Variants in KCNJ10 observed in about 807,000 individuals in gnomAD.
KCNJ10 encodes the protein potassium inwardly rectifying channel subfamily J member 10, also known as ATP-sensitive inward rectifier potassium channel 10.
In KCNJ10, 9 loss-of-function variants were observed where a neutral mutation model predicts 22.2. That is an observed-to-expected ratio of 0.40 (90% CI 0.24 to 0.71). The LOEUF is 0.71. Among genes scored for constraint, KCNJ10 ranks in the 30% least tolerant of loss-of-function variants. The pLI is 0.35. For missense variants in KCNJ10, 337 were observed against 482.7 expected (o/e 0.70, Z 2.83); for synonymous variants, 184 against 187.3 (o/e 0.98, Z 0.15).
chr1:160,062,542 C>T (rs1649228685), intron 1 of KCNJ10: 2 of 152,210 alleles, frequency 1.3e-5, no homozygotes, highest in Non-Finnish European at 2.9e-5. Flanking sequence ...GGGCACTGCC[C>T]AGGAGACAGG....
At chr1:160,043,973 T>A (rs1271321304) in intron 1 of KCNJ10, among the ~76,000 whole-genome samples, 1 of 152,190 alleles carries the variant, frequency 6.6e-6, no homozygotes, top group Non-Finnish European at 1.5e-5. Context: ...CTCATTACAT[T>A]CTCCATTCGA....
chr1:160,062,957 G>A (rs955830071), intron 1 of KCNJ10, among the ~76,000 whole-genome samples: 30 of 152,086 alleles, frequency 2.0e-4, no homozygotes, highest in African/African-American at 6.5e-4. Flanking sequence ...GACAAGAGTC[G>A]CCTGCCACCT....
chr1:160,049,586 C>T (rs961114349), intron 1 of KCNJ10, among the ~76,000 whole-genome samples: 6 of 149,204 alleles, frequency 4.0e-5, no homozygotes, highest in African/African-American at 1.5e-4. Context: ...CAACTATACC[C>T]GTAATGGCAC....
chr1:160,069,621 G>C (rs902548208), intron 1 of KCNJ10, among the ~76,000 whole-genome samples: 1 of 152,106 alleles, frequency 6.6e-6, no homozygotes, highest in Non-Finnish European at 1.5e-5. Context: ...GGGAGTGGGG[G>C]AGGGGCTGGG....
intron 1 of KCNJ10, among the ~76,000 whole-genome samples, chr1:160,055,653 C>T (rs1649012268): frequency 6.6e-6 from 1 of 152,124 alleles, no homozygotes; most frequent in Admixed American, 6.5e-5. Context: ...TGTGTGAGAA[C>T]ACTGCATGGG....
chr1:160,054,881 C>T (rs1001418409), intron 1 of KCNJ10, among the ~76,000 whole-genome samples: 8 of 151,848 alleles, frequency 5.3e-5, no homozygotes, highest in African/African-American at 1.7e-4. Flanking sequence ...GACCAGGTTG[C>T]AGATGGGGAG....
intron 1 of KCNJ10, among the ~76,000 whole-genome samples, chr1:160,061,301 A>G (rs893580696): frequency 6.6e-6 from 1 of 152,132 alleles, no homozygotes. Flanking sequence ...TACCTCTCAG[A>G]GCCTTGCTGG....
intron 1 of KCNJ10, among the ~76,000 whole-genome samples, chr1:160,053,458 G>A (rs1166100732): frequency 6.6e-6 from 1 of 152,180 alleles, no homozygotes; most frequent in Non-Finnish European, 1.5e-5. Context: ...AAGCCCTCAA[G>A]GTTGGAAGAA....
At chr1:160,051,245 A>T (rs1253240364) in intron 1 of KCNJ10, among the ~76,000 whole-genome samples, 1 of 152,104 alleles carries the variant, frequency 6.6e-6, no homozygotes, top group East Asian at 1.9e-4. Flanking sequence ...ATTCTTTCTT[A>T]GAGCCACTAG....
At chr1:160,063,606 TC>T (rs1301470199) in intron 1 of KCNJ10, 1 of 152,254 alleles carries the variant, frequency 6.6e-6, no homozygotes, top group Non-Finnish European at 1.5e-5. Context: ...TCTGCTTCTT[TC>T]CCCGTCTTAG....
chr1:160,053,291 A>G (rs1207336195), intron 1 of KCNJ10, among the ~76,000 whole-genome samples: 1 of 152,202 alleles, frequency 6.6e-6, no homozygotes, highest in Non-Finnish European at 1.5e-5. Context: ...CAACTTGAAT[A>G]GCGACCTTAG....
chr1:160,058,988 T>C (rs1452511366), intron 1 of KCNJ10, among the ~76,000 whole-genome samples: 1 of 152,214 alleles, frequency 6.6e-6, no homozygotes, highest in Non-Finnish European at 1.5e-5. Context: ...CCCCCTGTGT[T>C]CCCACAGTAC....
At chr1:160,060,261 C>A (rs1649152344) in intron 1 of KCNJ10, among the ~76,000 whole-genome samples, 1 of 152,112 alleles carries the variant, frequency 6.6e-6, no homozygotes, top group African/African-American at 2.4e-5. Context: ...GTGAGTGTCT[C>A]ACTGTCCTCT....
chr1:160,059,866 C>T (rs1649145818), intron 1 of KCNJ10, among the ~76,000 whole-genome samples: 1 of 152,172 alleles, frequency 6.6e-6, no homozygotes, highest in Non-Finnish European at 1.5e-5. Flanking sequence ...CTTTCTGTCC[C>T]TCCCCTTATG....
intron 1 of KCNJ10, among the ~76,000 whole-genome samples, chr1:160,058,270 T>C (rs1466646474): frequency 2.0e-5 from 3 of 152,192 alleles, no homozygotes; most frequent in African/African-American, 7.2e-5. Flanking sequence ...TTGGGGGCAC[T>C]GAGTCAGTTT....
chr1:160,056,754 A>G (rs1192461815), intron 1 of KCNJ10, among the ~76,000 whole-genome samples: 1 of 152,220 alleles, frequency 6.6e-6, no homozygotes, highest in Non-Finnish European at 1.5e-5. Flanking sequence ...AGAGGGAGGA[A>G]TTAGAATCTC....
intron 1 of KCNJ10, chr1:160,062,614 A>G (rs1263177418): frequency 6.6e-6 from 1 of 152,232 alleles, no homozygotes; most frequent in Non-Finnish European, 1.5e-5. Flanking sequence ...TCCAAATGGA[A>G]AAAGCCACGG....
intron 1 of KCNJ10, among the ~76,000 whole-genome samples, chr1:160,061,512 T>C (rs1649191641): frequency 6.6e-6 from 1 of 151,726 alleles, no homozygotes; most frequent in South Asian, 2.1e-4. Flanking sequence ...ACTGCTTCCA[T>C]GGTTGAGGCA....
rs751338154 is a variant in KCNJ10 at position 160,041,410 on chromosome 1, G to C, written c.1123C>G (p.Arg375Gly). ...ACAGGTCATCAGACATTGCTGATGCGCACACTAAGGGCACTGCCCTCCTTC... is the reference window on the plus strand; with the variant it reads ...ACAGGTCATCAGACATTGCTGATGCCCACACTAAGGGCACTGCCCTCCTTC... ...AEKEGSALSV[R>G]ISNV is the part of the protein sequence containing the mutation. The change falls in exon 2 of 2, where the codon CGC becomes GGC. Residue 375 changes from arginine (R) to glycine (G), a missense_variant. Around this residue, in one of 3 missense-constraint regions of KCNJ10, gnomAD observed 65 missense variants for 66.0 expected, o/e 0.98. Coordinates refer to ENST00000644903, the MANE Select transcript of KCNJ10 (RefSeq NM_002241.5). The surrounding 1 kb of genome is among the most constrained non-coding windows in gnomAD (Gnocchi z 4.4). 1 of 1,612,870 alleles carries C rather than the reference G, an allele frequency of 6.2e-7. No homozygotes were observed. The highest frequency in any genetic ancestry group is 8.5e-7 in the Non-Finnish European group (1 of 1,179,768).
Sources: gnomAD v4.1 joint callset for allele counts (sites outside exome capture counted in the v4.1 genomes callset) on GRCh38, gnomAD v4.1.1 for gene constraint, gnomAD v4.1.1 regional missense constraint, Gnocchi (gnomAD v3.1) non-coding constraint, MANE v1.5 for transcripts, NCBI Gene and HGNC (gene_info 2026-07-23, HGNC 2026-07-21) for gene names.